PARP2: variants seen among roughly 807,000 people sequenced by gnomAD.
The protein encoded by PARP2 is poly(ADP-ribose) polymerase 2.
PARP2 carries 57 observed loss-of-function variants against 77.8 expected under a neutral mutation model. The ratio of observed to expected loss-of-function variants is 0.73; its 90% CI spans 0.59 to 0.91. The LOEUF is 0.91. Among genes scored for constraint, PARP2 ranks in the 40% least tolerant of loss-of-function variants. PARP2 has a pLI of 0.00. For synonymous variants in PARP2, 226 were observed against 242.6 expected (o/e 0.93, Z 0.64); for missense variants, 651 against 689.0 (o/e 0.94, Z 0.62).
chr14:20,355,276 A>C (rs1156972276), intron 9 of PARP2: 2 of 215,032 alleles, frequency 9.3e-6, no homozygotes, highest in African/African-American at 2.3e-5. Flanking sequence ...CCACACAAAC[A>C]CCATTTCTGT....
chr14:20,350,853 A>G, intron 5 of PARP2, 194 bp from the exon 6 acceptor site: 1 of 610,504 alleles, frequency 1.6e-6, no homozygotes, highest in South Asian at 2.0e-5. Context: ...ACTCTTCTAT[A>G]GTTGAACTGC....
intron 5 of PARP2, 142 bp downstream of exon 5, chr14:20,350,764 A>G (rs1026479251): frequency 3.2e-6 from 2 of 626,246 alleles, no homozygotes; most frequent in African/African-American, 1.8e-5. Context: ...CAAGTTGAGC[A>G]TCTTGAAATT....
At chr14:20,353,570 G>T (rs1428094621) in intron 7 of PARP2, among the ~76,000 whole-genome samples, 2 of 152,156 alleles carry the variant, frequency 1.3e-5, no homozygotes, top group African/African-American at 4.8e-5. Flanking sequence ...TGGACCAAGA[G>T]AGGAGTGATA....
intron 4 of PARP2, among the ~76,000 whole-genome samples, chr14:20,349,181 A>C (rs1421634842): frequency 6.6e-6 from 1 of 152,000 alleles, no homozygotes; most frequent in Non-Finnish European, 1.5e-5. Flanking sequence ...CTACAAAAAA[A>C]TACAAAAACA....
At chr14:20,356,737 T>TA (rs1230595014) in intron 13 of PARP2, 48 bp downstream of exon 13, 1 of 1,386,648 alleles carries the variant, frequency 7.2e-7, no homozygotes, top group Non-Finnish European at 1.0e-6. Flanking sequence ...AGGGATACAG[T>TA]AATGTTCTCA....
Position 20,356,417 on chromosome 14 carries a change from A to G in PARP2, c.1212A>G (p.Arg404=). ...VEKDGEKEAF[R]EDLHNRMLLW... ...AGGATGGTGAGAAAGAAGCCTTCAG[A>G]GAGGACCTTCATAACAGGTCTGAGT... The change falls in exon 12 of 16, where the codon AGA becomes AGG. Residue 404 remains arginine, a synonymous_variant. Transcript: ENST00000429687. The G allele has an allele frequency of 6.2e-7, 1 of 1,614,188 alleles. No homozygotes were observed. Among genetic ancestry groups the G allele is most frequent in the Non-Finnish European group, 8.5e-7 (1 of 1,180,010 alleles).
chr14:20,348,355 GTAGT>G (rs942538939), intron 4 of PARP2, among the ~76,000 whole-genome samples: 5 of 148,802 alleles, frequency 3.4e-5, no homozygotes, highest in African/African-American at 9.8e-5. Context: ...AATTTTTTCT[GTAGT>G]TAAATTTATT....
At chr14:20,355,520 C>T in intron 9 of PARP2, 2 of 333,008 alleles carry the variant, frequency 6.0e-6, no homozygotes, top group Non-Finnish European at 1.1e-5. Context: ...AATTTTAACT[C>T]TAGTCTCAAA....
At chr14:20,349,842 C>T (rs1883894419) in intron 4 of PARP2, among the ~76,000 whole-genome samples, 3 of 152,030 alleles carry the variant, frequency 2.0e-5, no homozygotes, top group African/African-American at 4.8e-5. Flanking sequence ...ATCCAGGGCT[C>T]GGCCATACAA....
chr14:20,356,554 G>A, intron 12 of PARP2, 36 bp from the exon 13 acceptor site: 1 of 1,598,190 alleles, frequency 6.3e-7, no homozygotes, highest in Non-Finnish European at 8.6e-7. Flanking sequence ...TATCTGTGCA[G>A]AACAACAGAG....
chr14:20,354,922 T>C lies in PARP2; in HGVS notation c.877T>C (p.Tyr293His), dbSNP rs757379983. 4.3e-6 allele frequency: 7 copies of C among 1,614,016 alleles called. No homozygotes were observed. The highest frequency in any genetic ancestry group is 5.9e-6 in the Non-Finnish European group (7 of 1,179,946). Residue 293 changes from tyrosine to histidine, a missense_variant, in exon 9 of 16, where the codon TAC becomes CAC. Coordinates refer to ENST00000429687, the MANE Select transcript of PARP2 (RefSeq NM_001042618.2). The part of the protein sequence containing the change: ...RALMEACNEF[Y>H]TRIPHDFGLR... ...TCTCATGGAAGCATGCAATGAATTCTACACCAGGATTCCGCATGACTTTGG... is the reference window on the plus strand; with the variant it reads ...TCTCATGGAAGCATGCAATGAATTCCACACCAGGATTCCGCATGACTTTGG...
chr14:20,350,796 T>A, intron 5 of PARP2, 174 bp downstream of exon 5: 3 of 610,898 alleles, frequency 4.9e-6, no homozygotes, highest in Non-Finnish European at 8.8e-6. Flanking sequence ...GGCATCCTCC[T>A]TAGAGTTCCC....
rs766781193 is a variant in PARP2 at position 20,356,000 on chromosome 14, G to GC, written c.1075dup (p.Leu359ProfsTer2). On this transcript the variant is annotated frameshift_variant, in exon 11 of 16. Transcript: ENST00000429687. LOFTEE classifies it high-confidence loss of function. Reference sequence around the variant, plus strand: ...TATAGAAACCTACATTGTGCCTTGCGCCCCCTTGACCATGAAAGTTATGAG... The same window carrying GC: ...TATAGAAACCTACATTGTGCCTTGCGCCCCCCTTGACCATGAAAGTTATGAG... The GC allele has an allele frequency of 1.9e-6, 3 of 1,613,864 alleles. No homozygotes were observed. The South Asian group carries it at 3.3e-5, about 18-fold the overall frequency.
At chr14:20,348,683 C>G (rs1381828448) in intron 4 of PARP2, among the ~76,000 whole-genome samples, 1 of 152,126 alleles carries the variant, frequency 6.6e-6, no homozygotes, top group Non-Finnish European at 1.5e-5. Flanking sequence ...GTATTTATTT[C>G]TTACTATTTC....
intron 7 of PARP2, chr14:20,352,568 T>TTG (rs10695113): frequency 6.7e-6 from 2 of 297,114 alleles, no homozygotes; most frequent in East Asian, 5.8e-5. Context: ...CTTTTTTTTT[T>TTG]GTAAAGATGA....
rs766088595 is a variant in PARP2, at chr14:20,357,465, CAT to C, written c.1500_1501del (p.His500GlnfsTer30). ...GGCCGAAGGATTGCTTCAAGGTAAA[CAT>C]AGCACCAAGGGGCTGGGCAAGATGG... ...PKAEGLLQGKHSTKGLGKMAP... is the reference protein window; with the variant it reads ...PKAEGLLQGKXSTKGLGKMAP... On this transcript the variant is annotated frameshift_variant, in exon 15 of 16. Transcript: ENST00000429687. LOFTEE classifies it high-confidence loss of function. 4 of 1,614,016 alleles carry C rather than the reference CAT, an allele frequency of 2.5e-6. No homozygotes were observed. The highest frequency in any genetic ancestry group is 3.4e-6 in the Non-Finnish European group (4 of 1,179,962).
At chr14:20,349,972 T>C (rs1760921) in intron 4 of PARP2, among the ~76,000 whole-genome samples, 33,128 of 152,092 alleles carry the variant, frequency 0.22, 8,066 homozygotes, top group African/African-American at 0.6. Context: ...CAGGTCAGGT[T>C]AGGTATGGGA....
chr14:20,343,691 C>T lies in PARP2; in HGVS notation c.46+4C>T, dbSNP rs547016942. On this transcript the variant is annotated splice_donor_region_variant and intron_variant, in intron 1 of 15. Coordinates refer to ENST00000429687, the MANE Select transcript of PARP2 (RefSeq NM_001042618.2). ...ACCGGCGGCGGCAGGGCGAGAGGTT[C>T]GGAGCTCAATATCGCGGGACGGCAT... 2 of 1,609,328 alleles carry T rather than the reference C, an allele frequency of 1.2e-6. No individual in the cohort carries two copies. The highest frequency in any genetic ancestry group is 1.7e-6 in the Non-Finnish European group (2 of 1,178,598).
In PARP2 at chr14:20,354,933, T is replaced by A; in HGVS notation, c.888T>A (p.Ile296=). Reference sequence around the variant, plus strand: ...CATGCAATGAATTCTACACCAGGATTCCGCATGACTTTGGGTAAGGCCTGT... The same window carrying A: ...CATGCAATGAATTCTACACCAGGATACCGCATGACTTTGGGTAAGGCCTGT... ...MEACNEFYTR[I]PHDFGLRTPP... is the part of the protein sequence containing the mutation. Residue 296 remains isoleucine (I), a synonymous_variant, in exon 9 of 16, where the codon ATT becomes ATA. Coordinates refer to ENST00000429687, the MANE Select transcript of PARP2 (RefSeq NM_001042618.2). 6.2e-7 allele frequency: 1 copy of A among 1,613,784 alleles called. No individual in the cohort carries two copies. The highest frequency in any genetic ancestry group is 2.2e-5 in the East Asian group (1 of 44,884).
Sources: allele counts gnomAD v4.1 joint callset (sites outside exome capture counted in the v4.1 genomes callset), GRCh38; gene constraint gnomAD v4.1.1; transcripts MANE v1.5; gene names NCBI Gene and HGNC (gene_info 2026-07-23, HGNC 2026-07-21).